RBFOX1: variants seen among roughly 807,000 people sequenced by gnomAD.
The protein encoded by RBFOX1 is RNA binding fox-1 homolog 1.
In RBFOX1, 8 loss-of-function variants were observed where a neutral mutation model predicts 57.7. The observed-to-expected ratio is 0.14, with a 90% CI of 0.08 to 0.25. The LOEUF (loss-of-function observed/expected upper bound fraction) is 0.25, where lower values mean the gene tolerates loss of function less well. Ranked by LOEUF, RBFOX1 falls within the 10% of genes least tolerant of loss-of-function variation. The pLI is 1.00. For synonymous variants in RBFOX1, 326 were observed against 222.4 expected, an observed-to-expected ratio of 1.47 and a Z score of -4.15; for missense variants, 611 against 548.5, an observed-to-expected ratio of 1.11 and a Z score of -1.14.
chr16:6,694,670 G>C (rs922243991), intron 3 of RBFOX1, among the ~76,000 whole-genome samples: 1 of 152,102 alleles, frequency 6.6e-6, no homozygotes, highest in African/African-American at 2.4e-5. Flanking sequence ...TTTCCACATG[G>C]TAGCAAGATG....
intron 4 of RBFOX1, among the ~76,000 whole-genome samples, chr16:7,232,771 G>C (rs554827797): frequency 9.9e-5 from 15 of 151,622 alleles, no homozygotes; most frequent in African/African-American, 3.2e-4. Flanking sequence ...AACCTGGGAG[G>C]GGGAGGTTGC....
chr16:7,705,206 G>C (rs552675962), intron 14 of RBFOX1, among the ~76,000 whole-genome samples: 1 of 151,612 alleles, frequency 6.6e-6, no homozygotes, highest in Non-Finnish European at 1.5e-5. Context: ...GTGCAGGAAC[G>C]ATCAAGAAAG....
chr16:6,329,499 A>C (rs2082754409), intron 2 of RBFOX1, among the ~76,000 whole-genome samples: 2 of 152,170 alleles, frequency 1.3e-5, no homozygotes, highest in Non-Finnish European at 2.9e-5. Context: ...TCTGAGACAA[A>C]AGTTCCAGTG....
chr16:6,415,747 A>G (rs1337120149), intron 2 of RBFOX1, among the ~76,000 whole-genome samples: 1 of 152,192 alleles, frequency 6.6e-6, no homozygotes, highest in Non-Finnish European at 1.5e-5. Context: ...GTCTGTGTGC[A>G]GAGCTCCAAT....
chr16:6,291,764 C>T (rs1012085268), intron 1 of RBFOX1, among the ~76,000 whole-genome samples: 10 of 152,194 alleles, frequency 6.6e-5, no homozygotes, highest in Admixed American at 5.2e-4. Flanking sequence ...TGATCTTGCC[C>T]TTTCCCCTTT....
intron 4 of RBFOX1, among the ~76,000 whole-genome samples, chr16:7,187,992 CTG>C (rs2084352288): frequency 6.6e-6 from 1 of 152,198 alleles, no homozygotes; most frequent in Non-Finnish European, 1.5e-5. Context: ...ATGTATCTGA[CTG>C]TGTGCTAGCC....
intron 2 of RBFOX1, among the ~76,000 whole-genome samples, chr16:5,582,049 G>T (rs1371191628): frequency 6.6e-6 from 1 of 152,208 alleles, no homozygotes; most frequent in African/African-American, 2.4e-5. Flanking sequence ...GTTCAGCATA[G>T]AATCCACATT....
At chr16:7,448,587 A>G (rs967379848) in intron 4 of RBFOX1, among the ~76,000 whole-genome samples, 4 of 152,152 alleles carry the variant, frequency 2.6e-5, no homozygotes, top group African/African-American at 9.7e-5. Context: ...CCCATGACAC[A>G]TGGGAATTAT....
At chr16:5,329,713 A>G (rs1171764034) in intron 1 of RBFOX1, among the ~76,000 whole-genome samples, 2 of 152,222 alleles carry the variant, frequency 1.3e-5, no homozygotes, top group Non-Finnish European at 2.9e-5. Context: ...ATCAAGACAT[A>G]TGTGGGCCGG....
At chr16:7,297,956 C>T (rs62014008) in intron 4 of RBFOX1, among the ~76,000 whole-genome samples, 60,413 of 152,004 alleles carry the variant, frequency 0.4, 15,112 homozygotes, top group East Asian at 0.8. Context: ...TATGCACATA[C>T]TTCTGTGGAT....
At chr16:5,842,996 CT>C (rs781133905) in intron 3 of RBFOX1, among the ~76,000 whole-genome samples, 43 of 151,474 alleles carry the variant, frequency 2.8e-4, no homozygotes, top group Middle Eastern at 3.4e-3. Context: ...TTGTTTTTTT[CT>C]TTTTTTTCTT....
chr16:5,284,539 CTTT>C (rs67592139), intron 1 of RBFOX1, among the ~76,000 whole-genome samples: 1 of 134,438 alleles, frequency 7.4e-6, no homozygotes, highest in Non-Finnish European at 1.6e-5. Flanking sequence ...AATATTTTTT[CTTT>C]TTTTTTTTTT....
intron 4 of RBFOX1, among the ~76,000 whole-genome samples, chr16:7,387,658 A>G (rs1483780605): frequency 6.6e-6 from 1 of 152,124 alleles, no homozygotes; most frequent in Non-Finnish European, 1.5e-5. Context: ...GTGAAACTGG[A>G]AGGTCTTTGG....
intron 1 of RBFOX1, among the ~76,000 whole-genome samples, chr16:5,286,253 G>A (rs887798455): frequency 1.3e-5 from 2 of 152,204 alleles, no homozygotes; most frequent in African/African-American, 2.4e-5. Flanking sequence ...GGGCCTCCAG[G>A]TGGCTTCTTT....
At chr16:7,644,203 G>A (rs937077812) in intron 11 of RBFOX1, among the ~76,000 whole-genome samples, 1 of 152,136 alleles carries the variant, frequency 6.6e-6, no homozygotes, top group Non-Finnish European at 1.5e-5. Context: ...GAGTATCTGA[G>A]CCACTCTATA....
chr16:7,159,452 G>T (rs2077829870), intron 4 of RBFOX1, among the ~76,000 whole-genome samples: 1 of 152,256 alleles, frequency 6.6e-6, no homozygotes, highest in Admixed American at 6.5e-5. Context: ...TCAGTATCCA[G>T]GATTCAGAAG....
intron 3 of RBFOX1, among the ~76,000 whole-genome samples, chr16:5,631,214 T>C (rs1375439385): frequency 6.6e-6 from 1 of 152,204 alleles, no homozygotes; most frequent in African/African-American, 2.4e-5. Flanking sequence ...TGGTGGCTGA[T>C]GTTACTGGTC....
chr16:5,564,628 T>C (rs775366615), intron 2 of RBFOX1, among the ~76,000 whole-genome samples: 2 of 152,198 alleles, frequency 1.3e-5, no homozygotes, highest in Non-Finnish European at 2.9e-5. Context: ...TTTTGGAGTC[T>C]GTCCTGTATC....
At chr16:7,498,942 C>T (rs889980951) in intron 4 of RBFOX1, among the ~76,000 whole-genome samples, 1 of 152,184 alleles carries the variant, frequency 6.6e-6, no homozygotes, top group Non-Finnish European at 1.5e-5. Flanking sequence ...GTCACAACAT[C>T]CTTAGCTGTT....
Sources: allele counts gnomAD v4.1 joint callset (sites outside exome capture counted in the v4.1 genomes callset), GRCh38; gene constraint gnomAD v4.1.1; transcripts MANE v1.5; gene names NCBI Gene and HGNC (gene_info 2026-07-23, HGNC 2026-07-21).